The following LYST variants were observed in gnomAD, a reference collection of about 807,000 sequenced individuals.
LYST encodes the protein lysosomal-trafficking regulator.
Under a neutral mutation model 413.6 loss-of-function variants are expected in LYST, and 192 were observed. That is an observed-to-expected ratio of 0.46 (90% confidence interval 0.41 to 0.52). The LOEUF (loss-of-function observed/expected upper bound fraction) is 0.52, where lower values mean the gene tolerates loss of function less well. Among genes scored for constraint, LYST ranks in the 20% least tolerant of loss-of-function variants. The probability of loss-of-function intolerance (pLI) is 0.00; values close to 1 mark genes in which losing one functional copy is unlikely to be tolerated. For synonymous variants in LYST, 1,525 were observed against 1,567.3 expected (o/e 0.97, Z 0.64); for missense variants, 3,815 against 4,499.9 (o/e 0.85, Z 4.35).
At chr1:235,872,005 G>A (rs757591957) in intron 1 of LYST, among the ~76,000 whole-genome samples, 5 of 152,042 alleles carry the variant, frequency 3.3e-5, no homozygotes, top group Non-Finnish European at 5.9e-5. Context: ...AGAGTTTTAC[G>A]TAACATGGGG....
At chr1:235,703,828 G>A (rs1661738225) in intron 44 of LYST, among the ~76,000 whole-genome samples, 1 of 152,014 alleles carries the variant, frequency 6.6e-6, no homozygotes. Flanking sequence ...GAGTCACAGG[G>A]GTTTGTTGTA....
intron 28 of LYST, chr1:235,747,301 G>A: frequency 2.3e-6 from 1 of 441,814 alleles, no homozygotes; most frequent in South Asian, 1.6e-5. Context: ...TGGTAGATGA[G>A]GAATAATGGA....
At chr1:235,685,184 C>T (rs1158349983) in intron 48 of LYST, among the ~76,000 whole-genome samples, 1 of 152,180 alleles carries the variant, frequency 6.6e-6, no homozygotes, top group Non-Finnish European at 1.5e-5. Context: ...TCAAGTGTAA[C>T]TTAACAGGCT....
At chr1:235,693,214 G>T in intron 47 of LYST, 136 bp downstream of exon 47, 2 of 615,352 alleles carry the variant, frequency 3.3e-6, no homozygotes, top group Admixed American at 5.5e-5. Flanking sequence ...CTACTTGGGA[G>T]GCTGAGGCAG....
Position 235,708,607 on chromosome 1 carries a change from G to A in LYST, c.10143+484C>T, listed in dbSNP as rs181001400. ...TATGTGCGAGGCAGAGGGTGCCTAC[G>A]TTGCCAATCTCAATAAAAGTCTTGC... On this transcript the variant is annotated intron_variant, in intron 44 of 52. Coordinates refer to ENST00000389793, the MANE Select transcript of LYST (RefSeq NM_000081.4). Among the ~76,000 whole-genome samples the A allele has an allele frequency of 1.0e-3, 156 of 152,302 alleles. 1 individual carries two copies. The highest frequency in any genetic ancestry group is 1.0e-4 in the Non-Finnish European group (7 of 68,028).
chr1:235,732,002 TAA>T (rs937647743), intron 34 of LYST, among the ~76,000 whole-genome samples: 2 of 151,660 alleles, frequency 1.3e-5, no homozygotes, highest in Non-Finnish European at 2.9e-5. Context: ...TAGAAATAAA[TAA>T]GAGAAAAAAA....
rs71174466 is a variant in LYST at position 235,882,078 on chromosome 1, TCACACACA to T, written n.454+1101_454+1108del. On this transcript the variant is annotated intron_variant and non_coding_transcript_variant, in intron 1 of 11. Transcript: ENST00000465349. ...CACATACACACACACACTCTTTCTT[TCACACACA>T]CACACACACACACACACACACAAAT... 1.5e-4 allele frequency among the ~76,000 whole-genome samples: 22 copies of T among 145,836 alleles called. No individual in the cohort carries two copies. The South Asian group carries it at 3.0e-3, about 20-fold the overall frequency.
intron 48 of LYST, among the ~76,000 whole-genome samples, chr1:235,677,924 C>G (rs1659511156): frequency 1.3e-5 from 2 of 151,944 alleles, no homozygotes; most frequent in Admixed American, 1.3e-4. Context: ...CTCCTATAAG[C>G]TTTTTCTAAT....
intron 20 of LYST, among the ~76,000 whole-genome samples, chr1:235,767,617 A>G (rs1327062773): frequency 6.6e-6 from 1 of 151,714 alleles, no homozygotes; most frequent in Admixed American, 6.6e-5. Context: ...CTTTATCAAT[A>G]GTCACTGGTA....
chr1:235,755,396 A>G (rs1415252589), intron 25 of LYST, 82 bp downstream of exon 25: 1 of 988,058 alleles, frequency 1.0e-6, no homozygotes, highest in Non-Finnish European at 1.5e-6. Flanking sequence ...CTCAAAAGAA[A>G]AGAAAAGAAA....
chr1:235,809,694 G>A lies in LYST; in HGVS notation c.1124C>T (p.Ala375Val), dbSNP rs773380110. ...ICLEKQPDPF[A>V]PRQKKTLQEV... Reference sequence around the variant, plus strand: ...CTGCAGTGTTTTCTTTTGTCTTGGTGCAAAAGGGTCAGGCTGCTTTTCTAG... The same window carrying A: ...CTGCAGTGTTTTCTTTTGTCTTGGTACAAAAGGGTCAGGCTGCTTTTCTAG... The change falls in exon 5 of 53, where the codon GCA becomes GTA. Residue 375 changes from alanine to valine, a missense_variant. By Grantham distance (64) the Ala-to-Val change is moderately conservative. Coordinates refer to ENST00000389793, the MANE Select transcript of LYST (RefSeq NM_000081.4). This position sits in a 1 kb window ranked among gnomAD's most constrained non-coding sequence, Gnocchi z 4.0. The A allele has an allele frequency of 3.7e-6, 6 of 1,613,510 alleles. No homozygotes were observed. In the East Asian group the frequency reaches 1.3e-4, roughly 36 times the overall value.
At position 235,662,978 on chromosome 1, in the gene LYST, T is replaced by C. The variant is rs1176492788; in HGVS notation, c.11368A>G (p.Met3790Val). The change falls in exon 53 of 53, where the codon ATG (methionine) becomes GTG (valine). Residue 3790 changes from methionine (M) to valine (V), a missense_variant. By Grantham distance (21) the Met-to-Val change is conservative (BLOSUM62 1). Around this residue, in one of 4 missense-constraint regions of LYST, gnomAD observed 866 missense variants for 1,156.0 expected, o/e 0.75. Transcript: ENST00000389793. Reference sequence around the variant, plus strand: ...TAGCTGCTAAGGAAGGAATAGAACATTGGCTGTTTCAAGCGCTGCTGGTCC... The same window carrying C: ...TAGCTGCTAAGGAAGGAATAGAACACTGGCTGTTTCAAGCGCTGCTGGTCC... Reference protein sequence around the residue: ...RKDQQRLKQPMFYSFLSSYAA... With the variant: ...RKDQQRLKQPVFYSFLSSYAA... 48 of 1,612,090 alleles carry C rather than the reference T, an allele frequency of 3.0e-5. No individual in the cohort carries two copies. The highest frequency in any genetic ancestry group is 3.6e-5 in the Non-Finnish European group (42 of 1,178,262).
At chr1:235,728,280 A>G (rs963444847) in intron 37 of LYST, 149 bp from the exon 38 acceptor site, 1 of 647,346 alleles carries the variant, frequency 1.5e-6, no homozygotes, top group African/African-American at 1.8e-5. Context: ...ATTTTTGAAT[A>G]GTATCCATGA....
chr1:235,795,814 T>C (rs10926691), intron 10 of LYST, among the ~76,000 whole-genome samples: 6,092 of 151,948 alleles, frequency 0.04, 418 homozygotes, highest in African/African-American at 0.14. Flanking sequence ...TCAGTAAAAA[T>C]AATATTTAAA....
intron 40 of LYST, among the ~76,000 whole-genome samples, chr1:235,717,271 A>C (rs1348139706): frequency 6.6e-6 from 1 of 152,218 alleles, no homozygotes; most frequent in Non-Finnish European, 1.5e-5. Context: ...GCTTAAAATG[A>C]CCAAGCTGAG....
At chr1:235,857,580 C>T (rs559773473) in intron 1 of LYST, among the ~76,000 whole-genome samples, 3 of 151,920 alleles carry the variant, frequency 2.0e-5, no homozygotes, top group Admixed American at 1.3e-4. Flanking sequence ...CATGAAGGAG[C>T]TGGCAAAGAA....
chr1:235,741,646 A>T lies in LYST; in HGVS notation c.8152-18T>A. 1 of 1,580,552 alleles carries T rather than the reference A, an allele frequency of 6.3e-7. No homozygotes were observed. Among genetic ancestry groups the T allele is most frequent in the Middle Eastern group, 1.7e-4 (1 of 5,942 alleles). On this transcript the variant is annotated intron_variant, in intron 30 of 52. Coordinates refer to ENST00000389793, the MANE Select transcript of LYST (RefSeq NM_000081.4). ...CTTGAACCCTAAAATCAATCAAGAT[A>T]GGAATGAATTAGGATCAGACTGCTT... is the stretch of plus-strand genomic sequence containing the variant.
At chr1:235,767,251 A>G (rs914307518) in intron 20 of LYST, among the ~76,000 whole-genome samples, 4 of 152,132 alleles carry the variant, frequency 2.6e-5, no homozygotes, top group Non-Finnish European at 4.4e-5. Context: ...GTCCAAATAT[A>G]TATCTCTACA....
At chr1:235,742,694 A>G (rs1399473720) in intron 30 of LYST, among the ~76,000 whole-genome samples, 2 of 151,982 alleles carry the variant, frequency 1.3e-5, no homozygotes, top group Admixed American at 6.5e-5. Flanking sequence ...AGCATCAAAG[A>G]ACAATGATAA....
Sources: allele counts gnomAD v4.1 joint callset (sites outside exome capture counted in the v4.1 genomes callset), GRCh38; gene constraint gnomAD v4.1.1; regional missense constraint gnomAD v4.1.1; non-coding constraint Gnocchi (gnomAD v3.1); transcripts MANE v1.5; gene names NCBI Gene and HGNC (gene_info 2026-07-23, HGNC 2026-07-21).